ITSN2: variants seen among roughly 807,000 people sequenced by gnomAD.
The protein encoded by ITSN2 is intersectin-2.
ITSN2 carries 156 observed loss-of-function variants against 243.7 expected under a neutral mutation model. The observed-to-expected ratio is 0.64, with a 90% CI of 0.56 to 0.73. The LOEUF (loss-of-function observed/expected upper bound fraction) is 0.73, where lower values mean the gene tolerates loss of function less well. Among genes scored for constraint, ITSN2 ranks in the 30% least tolerant of loss-of-function variants. The pLI is 0.00. For synonymous variants in ITSN2, 703 were observed against 699.9 expected (o/e 1.00, Z -0.07); for missense variants, 1,801 against 1,996.1 (o/e 0.90, Z 1.86).
chr2:24,303,916 C>T, intron 8 of ITSN2, 54 bp from the exon 9 acceptor site: 1 of 1,170,360 alleles, frequency 8.5e-7, no homozygotes, highest in Admixed American at 1.7e-5. Context: ...TAAAGTTATG[C>T]ATAACAAATT....
chr2:24,209,038 A>C, intron 36 of ITSN2, 62 bp downstream of exon 36: 1 of 1,591,366 alleles, frequency 6.3e-7, no homozygotes, highest in Non-Finnish European at 8.6e-7. Flanking sequence ...GGTTTATGGC[A>C]GAGGGAGACG....
chr2:24,275,580 T>C (rs1013154751), intron 18 of ITSN2, 133 bp downstream of exon 18: 10 of 586,846 alleles, frequency 1.7e-5, no homozygotes, highest in Admixed American at 3.9e-5. Flanking sequence ...CTAAAAGGAC[T>C]GAACTTATGA....
intron 29 of ITSN2, among the ~76,000 whole-genome samples, chr2:24,222,450 C>T (rs887173582): frequency 6.6e-6 from 1 of 151,804 alleles, no homozygotes; most frequent in African/African-American, 2.4e-5. Context: ...TGACCTGACA[C>T]AAAAAAATAG....
At position 24,286,256 on chromosome 2, in the gene ITSN2, C is replaced by T. The variant is rs753671030; in HGVS notation, c.1819G>A (p.Ala607Thr). ...EQLDALEKET[A>T]SKLSEMDSFN... Reference sequence around the variant, plus strand: ...GAATCCATTTCTGACAGCTTAGATGCAGTTTCTTTTTCAAGAGCATCTAAC... The same window carrying T: ...GAATCCATTTCTGACAGCTTAGATGTAGTTTCTTTTTCAAGAGCATCTAAC... Residue 607 changes from alanine to threonine, a missense_variant, in exon 16 of 40, where the codon GCA (alanine) becomes ACA (threonine). Ala to Thr is a moderately conservative substitution (Grantham distance 58). Coordinates refer to ENST00000355123, the MANE Select transcript of ITSN2 (RefSeq NM_006277.3). 2 of 1,603,782 alleles carry T rather than the reference C, an allele frequency of 1.2e-6. No individual in the cohort carries two copies. Among genetic ancestry groups the T allele is most frequent in the Non-Finnish European group, 1.7e-6 (2 of 1,171,968 alleles).
Position 24,315,134 on chromosome 2 carries a change from G to T in ITSN2, c.122C>A (p.Thr41Lys). The T allele has an allele frequency of 6.4e-7, 1 of 1,567,182 alleles. No homozygotes were observed. The highest frequency in any genetic ancestry group is 8.8e-7 in the Non-Finnish European group (1 of 1,139,682). Residue 41 changes from threonine (T) to lysine (K), a missense_variant and splice_region_variant, in exon 3 of 40, where the codon ACA (threonine) becomes AAA (lysine). By Grantham distance (78) the Thr-to-Lys change is moderately conservative. Transcript: ENST00000355123. The stretch of plus-strand genomic sequence containing the variant: ...TAAAACTAATTATAAATACAAACCT[G>T]TTATGTAACCTCCTGAAGGTTTGAG... The part of the protein sequence containing the change: ...DNLKPSGGYI[T>K]GDQARNFFLQ...
At position 24,235,585 on chromosome 2, in the gene ITSN2, C is replaced by T. The variant is rs533471843; in HGVS notation, c.3577+10544G>A. On this transcript the variant is annotated intron_variant, in intron 29 of 39. Transcript: ENST00000355123. ...GCTATGCCTGTGTCGGGGCAAGGGA[C>T]ATATGGGATATCTCTGTGTCTTCCT... Among the ~76,000 whole-genome samples the T allele has an allele frequency of 2.2e-4, 34 of 152,228 alleles. No homozygotes were observed. The East Asian group carries it at 6.0e-3, about 27-fold the overall frequency.
intron 5 of ITSN2, 27 bp downstream of exon 5, chr2:24,312,185 C>T (rs1306853812): frequency 1.9e-6 from 3 of 1,552,086 alleles, no homozygotes; most frequent in Non-Finnish European, 2.6e-6. Context: ...GTAGCAAATA[C>T]AGGTATTTAA....
At chr2:24,308,899 A>T in intron 7 of ITSN2, 143 bp from the exon 8 acceptor site, 2 of 621,828 alleles carry the variant, frequency 3.2e-6, no homozygotes, top group Non-Finnish European at 6.0e-6. Flanking sequence ...CGGGCTGGAC[A>T]GCGGGGCTCG....
rs1167369542 is a variant in ITSN2, at chr2:24,300,135, C to T, written c.1118G>A (p.Arg373Gln). Residue 373 changes from arginine (R) to glutamine (Q), a missense_variant, in exon 12 of 40, where the codon CGA (arginine) becomes CAA (glutamine). Physicochemically the swap from Arg to Gln is conservative, Grantham distance 43 (BLOSUM62 1). Coordinates refer to ENST00000355123, the MANE Select transcript of ITSN2 (RefSeq NM_006277.3). Reference protein sequence around the residue: ...FEDKRKANYERGNMELEKRRQ... With the variant: ...FEDKRKANYEQGNMELEKRRQ... Reference sequence around the variant, plus strand: ...TCGCTTTTCCAGCTCCATGTTCCCTCGCTCATAGTTGGCTTTCCGTTTGTC... The same window carrying T: ...TCGCTTTTCCAGCTCCATGTTCCCTTGCTCATAGTTGGCTTTCCGTTTGTC... 6.8e-6 allele frequency: 11 copies of T among 1,614,172 alleles called. No individual in the cohort carries two copies. Among genetic ancestry groups the T allele is most frequent in the African/African-American group, 2.7e-5 (2 of 75,032 alleles).
rs1369155292 is a variant in ITSN2, at chr2:24,284,779, A to G, written c.1928T>C (p.Leu643Pro). 1 of 1,592,606 alleles carries G rather than the reference A, an allele frequency of 6.3e-7. No homozygotes were observed. The highest frequency in any genetic ancestry group is 1.7e-5 in the Admixed American group (1 of 59,852). The change falls in exon 17 of 40, where the codon CTC becomes CCC. Residue 643 changes from leucine (L) to proline (P), a missense_variant. Leu to Pro is a moderately conservative substitution (Grantham distance 98). This residue lies in a region of ITSN2 where 787 missense variants were observed against 803.9 expected (regional missense o/e 0.98). Coordinates refer to ENST00000355123, the MANE Select transcript of ITSN2 (RefSeq NM_006277.3). ...GAAAATAACCTTAAGTAAGAGGAAG[A>G]GGTTGTTGAGACAGCTTAGCAGAGA... ...LLSLLSCLNN[L>P]FLLLKELRET...
intron 37 of ITSN2, among the ~76,000 whole-genome samples, chr2:24,206,645 A>G (rs1234646743): frequency 6.6e-6 from 1 of 152,172 alleles, no homozygotes; most frequent in Non-Finnish European, 1.5e-5. Context: ...CCATGAACAC[A>G]GAGGACATCA....
chr2:24,269,070 T>G (rs1272033535), intron 20 of ITSN2, among the ~76,000 whole-genome samples: 1 of 152,002 alleles, frequency 6.6e-6, no homozygotes, highest in Admixed American at 6.6e-5. Context: ...TTTTTTTTTT[T>G]TCCTACTACT....
Position 24,286,501 on chromosome 2 carries a change from T to C in ITSN2, c.1724-150A>G, listed in dbSNP as rs17733015. The C allele has an allele frequency of 0.21, 120,692 of 565,334 alleles. 14,498 individuals carry two copies. Among genetic ancestry groups the C allele is most frequent in the Non-Finnish European group, 0.25 (82,569 of 325,420 alleles). The allele number at this position is 565,334 out of a possible 1,614,324, so 35.0% of individuals were successfully genotyped here. On this transcript the variant is annotated intron_variant, in intron 15 of 39. Transcript: ENST00000355123. Reference sequence around the variant, plus strand: ...ACCAGTACAAGAGAAAACATTCAGTTGTTATTTCCACTTCCCAGATTATAT... The same window carrying C: ...ACCAGTACAAGAGAAAACATTCAGTCGTTATTTCCACTTCCCAGATTATAT...
chr2:24,237,309 A>G (rs967411905), intron 29 of ITSN2, among the ~76,000 whole-genome samples: 4 of 152,130 alleles, frequency 2.6e-5, no homozygotes, highest in Non-Finnish European at 5.9e-5. Flanking sequence ...GCAGAGCCAA[A>G]ATTTCATTAT....
In ITSN2 at chr2:24,270,292, G is replaced by A. The variant is rs138348964; in HGVS notation, c.2355+379C>T. On this transcript the variant is annotated intron_variant, in intron 20 of 39. Coordinates refer to ENST00000355123, the MANE Select transcript of ITSN2 (RefSeq NM_006277.3). ...TTGTGATAACACAATAAAGACTTTC[G>A]TTCCAAGGAACAAATTGCCTGTATC... Among the ~76,000 whole-genome samples the A allele has an allele frequency of 2.6e-3, 400 of 152,196 alleles. 3 individuals carry two copies. The highest frequency in any genetic ancestry group is 9.3e-3 in the African/African-American group (385 of 41,512).
intron 15 of ITSN2, among the ~76,000 whole-genome samples, chr2:24,292,502 G>A (rs1680385983): frequency 6.6e-6 from 1 of 152,152 alleles, no homozygotes; most frequent in Non-Finnish European, 1.5e-5. Context: ...CCACATCAAT[G>A]GAAGGCAGGA....
chr2:24,265,497 C>T (rs1287497627), intron 20 of ITSN2, among the ~76,000 whole-genome samples: 2 of 152,156 alleles, frequency 1.3e-5, no homozygotes, highest in African/African-American at 2.4e-5. Flanking sequence ...TTAATAGATT[C>T]TATGGGACTT....
At chr2:24,347,271 TAGAG>T (rs1018410738) in intron 1 of ITSN2, among the ~76,000 whole-genome samples, 1 of 151,998 alleles carries the variant, frequency 6.6e-6, no homozygotes, top group African/African-American at 2.4e-5. Flanking sequence ...TATCCAAAAA[TAGAG>T]AAAGAAGCAA....
At chr2:24,205,851 A>G (rs2151075644) in intron 37 of ITSN2, among the ~76,000 whole-genome samples, 1 of 152,332 alleles carries the variant, frequency 6.6e-6, no homozygotes, top group African/African-American at 2.4e-5. Context: ...TATTATTTAA[A>G]CTGCATAATT....
Sources: gnomAD v4.1 joint callset for allele counts (sites outside exome capture counted in the v4.1 genomes callset) on GRCh38, gnomAD v4.1.1 for gene constraint, gnomAD v4.1.1 regional missense constraint, MANE v1.5 for transcripts, NCBI Gene and HGNC (gene_info 2026-07-23, HGNC 2026-07-21) for gene names.